EMCN: variants seen among roughly 807,000 people sequenced by gnomAD.
The protein encoded by EMCN is endomucin.
Under a neutral mutation model 38.4 loss-of-function variants are expected in EMCN, and 37 were observed. The ratio of observed to expected loss-of-function variants is 0.96; its 90% CI spans 0.74 to 1.27. The LOEUF is 1.27. EMCN is among the 50% of genes most tolerant of loss of function. The pLI is 0.00. For missense variants in EMCN, 318 were observed against 302.8 expected (o/e 1.05, Z -0.37); for synonymous variants, 95 against 100.8 (o/e 0.94, Z 0.35).
intron 1 of EMCN, among the ~76,000 whole-genome samples, chr4:100,504,396 G>C (rs1483306556): frequency 2.6e-5 from 4 of 152,142 alleles, no homozygotes; most frequent in Non-Finnish European, 5.9e-5. Flanking sequence ...GAGACCGAGG[G>C]CACGAACTTT....
chr4:100,433,493 G>A (rs1727259109), intron 5 of EMCN, among the ~76,000 whole-genome samples: 2 of 151,612 alleles, frequency 1.3e-5, no homozygotes, highest in Admixed American at 1.3e-4. Flanking sequence ...TCACTTGGTA[G>A]TTCTATTTTT....
intron 8 of EMCN, among the ~76,000 whole-genome samples, chr4:100,420,370 C>T (rs1726853924): frequency 6.6e-6 from 1 of 151,810 alleles, no homozygotes; most frequent in Non-Finnish European, 1.5e-5. Flanking sequence ...GAGTTGAGTC[C>T]TAATGGGTAA....
chr4:100,423,911 T>C (rs1726971090), intron 5 of EMCN, among the ~76,000 whole-genome samples: 1 of 152,122 alleles, frequency 6.6e-6, no homozygotes, highest in Admixed American at 6.6e-5. Flanking sequence ...AGAAGACTCC[T>C]TCATTTTCAT....
rs1427056525 is a variant in EMCN at position 100,397,947 on chromosome 4, T to A, written c.*466A>T. On this transcript the variant is annotated 3_prime_UTR_variant, in exon 12 of 12. Transcript: ENST00000296420. The stretch of plus-strand genomic sequence containing the variant: ...TAATATTTAATAATACACGTGCAAC[T>A]TTTCCCTGCATTAACATAGTGGTAA... The A allele has an allele frequency of 2.0e-5, 3 of 151,990 alleles. No individual in the cohort carries two copies. The allele number at this position is 151,990 out of a possible 1,614,324, so 9.4% of individuals were successfully genotyped here. A position where few individuals can be genotyped will look rare whatever the true frequency, so the allele number is the denominator to read the frequency against.
intron 7 of EMCN, among the ~76,000 whole-genome samples, chr4:100,421,751 A>G (rs1578401455): frequency 1.3e-5 from 2 of 152,080 alleles, no homozygotes; most frequent in East Asian, 1.9e-4. Context: ...TTACCAAAAT[A>G]TATATAACCC....
chr4:100,444,725 C>T (rs1317396122), intron 5 of EMCN, among the ~76,000 whole-genome samples: 3 of 152,018 alleles, frequency 2.0e-5, no homozygotes, highest in Non-Finnish European at 4.4e-5. Context: ...GGGTGCAATG[C>T]ATACTCACGC....
intron 3 of EMCN, among the ~76,000 whole-genome samples, chr4:100,471,942 G>T (rs185316530): frequency 6.6e-6 from 1 of 151,942 alleles, no homozygotes; most frequent in East Asian, 1.9e-4. Flanking sequence ...TTCTGATAAA[G>T]GTCATTTATT....
At chr4:100,464,898 G>A (rs1316272484) in intron 4 of EMCN, among the ~76,000 whole-genome samples, 1 of 151,914 alleles carries the variant, frequency 6.6e-6, no homozygotes, top group East Asian at 1.9e-4. Flanking sequence ...AATTATTTGT[G>A]CAGTGTTTTC....
chr4:100,502,407 G>A (rs538880284), intron 1 of EMCN, among the ~76,000 whole-genome samples: 5 of 151,840 alleles, frequency 3.3e-5, no homozygotes, highest in East Asian at 3.9e-4. Flanking sequence ...TTTTCAGGCC[G>A]CCCTAGAAAA....
chr4:100,409,704 C>G (rs1726496457), intron 11 of EMCN, among the ~76,000 whole-genome samples: 1 of 151,980 alleles, frequency 6.6e-6, no homozygotes, highest in Non-Finnish European at 1.5e-5. Flanking sequence ...TGTTTTTTTC[C>G]ACACATCCAT....
chr4:100,433,992 C>G (rs1327636800), intron 5 of EMCN, among the ~76,000 whole-genome samples: 1 of 151,908 alleles, frequency 6.6e-6, no homozygotes, highest in South Asian at 2.1e-4. Context: ...AAACAAACCC[C>G]AAAGCTGGCA....
chr4:100,494,538 A>G (rs1729163085), intron 1 of EMCN, among the ~76,000 whole-genome samples: 1 of 152,126 alleles, frequency 6.6e-6, no homozygotes, highest in African/African-American at 2.4e-5. Flanking sequence ...TTCATTATTT[A>G]AAAGTAGTAA....
chr4:100,447,918 A>T (rs1367838388), intron 4 of EMCN, among the ~76,000 whole-genome samples: 1 of 152,036 alleles, frequency 6.6e-6, no homozygotes, highest in Non-Finnish European at 1.5e-5. Flanking sequence ...TATTTTCAAA[A>T]AGTCAGGGTA....
intron 5 of EMCN, among the ~76,000 whole-genome samples, chr4:100,433,621 T>A (rs1202835368): frequency 6.6e-6 from 1 of 152,034 alleles, no homozygotes; most frequent in Non-Finnish European, 1.5e-5. Flanking sequence ...CTGCAACCTC[T>A]ACCTTCCAGG....
intron 4 of EMCN, among the ~76,000 whole-genome samples, chr4:100,459,253 G>A (rs1367280576): frequency 6.8e-6 from 1 of 147,948 alleles, no homozygotes; most frequent in African/African-American, 2.5e-5. Flanking sequence ...GAGACAGAGA[G>A]GTTGTTTTCA....
At chr4:100,491,985 G>A (rs1188821762) in intron 1 of EMCN, among the ~76,000 whole-genome samples, 1 of 152,018 alleles carries the variant, frequency 6.6e-6, no homozygotes, top group Admixed American at 6.6e-5. Context: ...AAGGATACGA[G>A]GATTACAAAG....
chr4:100,513,564 T>G (rs1729681396), intron 1 of EMCN, among the ~76,000 whole-genome samples: 1 of 152,176 alleles, frequency 6.6e-6, no homozygotes, highest in African/African-American at 2.4e-5. Context: ...CAAAAATAAG[T>G]AGAGCTGGTT....
intron 3 of EMCN, among the ~76,000 whole-genome samples, chr4:100,470,387 A>AAAAG (rs796099595): frequency 6.6e-6 from 1 of 151,370 alleles, no homozygotes; most frequent in African/African-American, 2.4e-5. Flanking sequence ...TTAAAAAAAA[A>AAAAG]AACAGGTGCC....
intron 1 of EMCN, among the ~76,000 whole-genome samples, chr4:100,508,574 G>A (rs1333702083): frequency 6.6e-6 from 1 of 152,122 alleles, no homozygotes; most frequent in Non-Finnish European, 1.5e-5. Context: ...TTAGGATAAA[G>A]TTAATTACTC....
Sources: gnomAD v4.1 joint callset for allele counts (sites outside exome capture counted in the v4.1 genomes callset) on GRCh38, gnomAD v4.1.1 for gene constraint, MANE v1.5 for transcripts, NCBI Gene and HGNC (gene_info 2026-07-23, HGNC 2026-07-21) for gene names.